Variants in KCNH8 observed in about 807,000 individuals in gnomAD.
KCNH8 encodes the protein potassium voltage-gated channel subfamily H member 8, also known as voltage-gated delayed rectifier potassium channel KCNH8.
In KCNH8, 70 loss-of-function variants were observed where a neutral mutation model predicts 103.6. The observed-to-expected ratio is 0.68, with a 90% CI of 0.56 to 0.82. The LOEUF (loss-of-function observed/expected upper bound fraction) is 0.82. KCNH8 is among the 40% of genes least tolerant of loss of function. KCNH8 has a pLI of 0.00. For synonymous variants in KCNH8, 498 were observed against 489.4 expected (o/e 1.02, Z -0.23); for missense variants, 1,217 against 1,329.9 (o/e 0.92, Z 1.32).
chr3:19,376,137 C>T (rs188588046), intron 5 of KCNH8, among the ~76,000 whole-genome samples: 37 of 151,338 alleles, frequency 2.4e-4, no homozygotes, highest in East Asian at 5.8e-4. Context: ...CCAGTTCGAG[C>T]GTCCAGGCTG....
At chr3:19,526,012 T>C (rs1406078704) in intron 15 of KCNH8, among the ~76,000 whole-genome samples, 1 of 151,946 alleles carries the variant, frequency 6.6e-6, no homozygotes, top group African/African-American at 2.4e-5. Context: ...TGCCTGCTTA[T>C]GGAGTTTGTT....
chr3:19,364,802 G>C (rs999555954), intron 5 of KCNH8, among the ~76,000 whole-genome samples: 10 of 152,132 alleles, frequency 6.6e-5, no homozygotes, highest in Admixed American at 2.6e-4. Context: ...GATTAAAATT[G>C]CATTTGTTTT....
At chr3:19,415,761 AC>A (rs1478061744) in intron 7 of KCNH8, among the ~76,000 whole-genome samples, 3 of 152,080 alleles carry the variant, frequency 2.0e-5, no homozygotes, top group African/African-American at 4.8e-5. Flanking sequence ...TTTGCACCAA[AC>A]TAATATATTG....
At chr3:19,509,664 C>G (rs2125240177) in intron 11 of KCNH8, among the ~76,000 whole-genome samples, 1 of 152,248 alleles carries the variant, frequency 6.6e-6, no homozygotes, top group South Asian at 2.1e-4. Flanking sequence ...TTAAATCTGT[C>G]TTACAATTGA....
intron 1 of KCNH8, among the ~76,000 whole-genome samples, chr3:19,235,508 T>C (rs1443866516): frequency 2.0e-5 from 3 of 152,146 alleles, no homozygotes; most frequent in Non-Finnish European, 4.4e-5. Context: ...TGGAATATTA[T>C]CAAATTAGAA....
chr3:19,499,612 G>C (rs1254177639), intron 11 of KCNH8, among the ~76,000 whole-genome samples: 1 of 152,212 alleles, frequency 6.6e-6, no homozygotes, highest in Non-Finnish European at 1.5e-5. Flanking sequence ...CTACAGGCCA[G>C]AAGAGAGTGG....
At chr3:19,164,896 AG>A (rs2063267875) in intron 1 of KCNH8, among the ~76,000 whole-genome samples, 1 of 152,168 alleles carries the variant, frequency 6.6e-6, no homozygotes, top group African/African-American at 2.4e-5. Context: ...GTAAGTCCAA[AG>A]CTTGTTAATA....
chr3:19,215,251 T>A (rs1051600210), intron 1 of KCNH8, among the ~76,000 whole-genome samples: 1 of 152,234 alleles, frequency 6.6e-6, no homozygotes, highest in African/African-American at 2.4e-5. Context: ...TAAGATGATA[T>A]CTTGACACTT....
intron 8 of KCNH8, among the ~76,000 whole-genome samples, chr3:19,444,928 CT>C (rs1374185519): frequency 6.6e-6 from 1 of 151,968 alleles, no homozygotes; most frequent in Non-Finnish European, 1.5e-5. Context: ...TTGTCAACAT[CT>C]ACCATATCTG....
intron 11 of KCNH8, among the ~76,000 whole-genome samples, chr3:19,502,758 C>T (rs1433205031): frequency 2.0e-5 from 3 of 148,908 alleles, no homozygotes; most frequent in African/African-American, 4.9e-5. Flanking sequence ...CTTCCTTACA[C>T]CTTATACAAA....
At position 19,204,464 on chromosome 3, in the gene KCNH8, C is replaced by T. The variant is rs117850727; in HGVS notation, c.77-49190C>T. Among the ~76,000 whole-genome samples the T allele has an allele frequency of 2.2e-3, 337 of 151,832 alleles. 10 individuals carry two copies. In the East Asian group the frequency reaches 0.052, roughly 23 times the overall value. ...AGTGTCTGTGTGTGTGTGTTCTGAA[C>T]GCGATTTAAAAATAAACAGACCTAC... On this transcript the variant is annotated intron_variant, in intron 1 of 15. Transcript: ENST00000328405.
chr3:19,386,665 A>G (rs1023088485), intron 5 of KCNH8, among the ~76,000 whole-genome samples: 1 of 152,172 alleles, frequency 6.6e-6, no homozygotes, highest in Non-Finnish European at 1.5e-5. Flanking sequence ...AGAAAATTAC[A>G]TATAAAACTA....
At chr3:19,173,521 T>C (rs1176830260) in intron 1 of KCNH8, among the ~76,000 whole-genome samples, 1 of 152,202 alleles carries the variant, frequency 6.6e-6, no homozygotes, top group Non-Finnish European at 1.5e-5. Context: ...ATATCCACTT[T>C]GTTCACAACA....
intron 2 of KCNH8, among the ~76,000 whole-genome samples, chr3:19,275,709 G>A (rs780580409): frequency 6.6e-6 from 1 of 152,092 alleles, no homozygotes; most frequent in Non-Finnish European, 1.5e-5. Context: ...GCAGCTTTGG[G>A]TATTCCAGGG....
At chr3:19,415,734 T>C (rs1165494052) in intron 7 of KCNH8, among the ~76,000 whole-genome samples, 2 of 152,076 alleles carry the variant, frequency 1.3e-5, no homozygotes, top group Non-Finnish European at 2.9e-5. Context: ...TAATGCAATG[T>C]AAAAACAACA....
chr3:19,528,207 A>T (rs2069099054), intron 15 of KCNH8, among the ~76,000 whole-genome samples: 1 of 152,100 alleles, frequency 6.6e-6, no homozygotes, highest in Admixed American at 6.6e-5. Context: ...TATAAATAGA[A>T]TCTGAAGAAA....
chr3:19,367,406 T>G (rs889889440), intron 5 of KCNH8, among the ~76,000 whole-genome samples: 1 of 143,842 alleles, frequency 7.0e-6, no homozygotes, highest in African/African-American at 2.6e-5. Flanking sequence ...ATATATATAT[T>G]TATATATATA....
At chr3:19,491,334 G>A (rs1395289099) in intron 11 of KCNH8, among the ~76,000 whole-genome samples, 2 of 152,062 alleles carry the variant, frequency 1.3e-5, no homozygotes, top group South Asian at 2.1e-4. Flanking sequence ...CCCCTTCCCC[G>A]CTCTCTCTAG....
intron 7 of KCNH8, among the ~76,000 whole-genome samples, chr3:19,411,307 G>C (rs1386892183): frequency 1.3e-5 from 2 of 151,854 alleles, no homozygotes; most frequent in Non-Finnish European, 2.9e-5. Flanking sequence ...TTTTGATAAA[G>C]TCAAACATCC....
Sources: allele counts gnomAD v4.1 joint callset (sites outside exome capture counted in the v4.1 genomes callset), GRCh38; gene constraint gnomAD v4.1.1; transcripts MANE v1.5; gene names NCBI Gene and HGNC (gene_info 2026-07-23, HGNC 2026-07-21).